The following RAB28 variants were observed in gnomAD, a reference collection of about 807,000 sequenced individuals.
RAB28 encodes RAB28, member RAS oncogene family.
Under a neutral mutation model 31.7 loss-of-function variants are expected in RAB28, and 24 were observed. That is an observed-to-expected ratio of 0.76 (90% CI 0.55 to 1.06). RAB28 has a LOEUF of 1.06. RAB28 is among the 50% of genes least tolerant of loss of function. RAB28 has a pLI of 0.00. For synonymous variants in RAB28, 100 were observed against 90.4 expected (o/e 1.11, Z -0.60); for missense variants, 254 against 258.5 (o/e 0.98, Z 0.12).
chr4:13,460,583 A>T, intron 4 of RAB28, 116 bp downstream of exon 4: 1 of 1,315,364 alleles, frequency 7.6e-7, no homozygotes, highest in Non-Finnish European at 1.1e-6. Context: ...TCCAGACACC[A>T]TCATTTTGGG....
chr4:13,450,278 A>G (rs1714895266), intron 4 of RAB28, among the ~76,000 whole-genome samples: 1 of 151,878 alleles, frequency 6.6e-6, no homozygotes, highest in Non-Finnish European at 1.5e-5. Context: ...TAAGTCTTTC[A>G]TATTTATTTA....
intron 4 of RAB28, among the ~76,000 whole-genome samples, chr4:13,432,589 ACTT>A (rs1333943362): frequency 1.3e-5 from 2 of 152,166 alleles, no homozygotes; most frequent in African/African-American, 2.4e-5. Context: ...CTAACAGTGA[ACTT>A]CTCAGCAGAA....
At chr4:13,462,435 G>A (rs896157600) in intron 3 of RAB28, among the ~76,000 whole-genome samples, 13 of 152,098 alleles carry the variant, frequency 8.5e-5, no homozygotes, top group African/African-American at 3.1e-4. Context: ...TAATACCTTT[G>A]TTTTAATATA....
chr4:13,412,545 A>C (rs944669121), intron 4 of RAB28, among the ~76,000 whole-genome samples: 1 of 152,124 alleles, frequency 6.6e-6, no homozygotes, highest in African/African-American at 2.4e-5. Flanking sequence ...GACTGGCAAA[A>C]AAGGAGAGAG....
chr4:13,458,589 G>A (rs1473754984), intron 4 of RAB28, among the ~76,000 whole-genome samples: 9 of 151,964 alleles, frequency 5.9e-5, no homozygotes, highest in Non-Finnish European at 1.0e-4. Flanking sequence ...AGAAAACAAC[G>A]AATCATATAA....
At chr4:13,395,236 A>G (rs1030800384) in intron 4 of RAB28, among the ~76,000 whole-genome samples, 21 of 152,190 alleles carry the variant, frequency 1.4e-4, no homozygotes, top group African/African-American at 4.3e-4. Context: ...TAAAACATTA[A>G]AAGTATTAAT....
At chr4:13,460,933 A>G (rs1715559607) in intron 3 of RAB28, 105 bp from the exon 4 acceptor site, 1 of 1,051,818 alleles carries the variant, frequency 9.5e-7, no homozygotes, top group Admixed American at 2.6e-5. Context: ...GTATAAAAAT[A>G]CAAATGTGTA....
intron 4 of RAB28, among the ~76,000 whole-genome samples, chr4:13,455,628 G>A (rs1262902405): frequency 6.6e-6 from 1 of 152,238 alleles, no homozygotes; most frequent in African/African-American, 2.4e-5. Flanking sequence ...GCGTGGGTGG[G>A]GAGTGAGGAA....
rs567650594 is a variant in RAB28 at position 13,467,246 on chromosome 4, A to G, written c.262-6418T>C. On this transcript the variant is annotated intron_variant, in intron 3 of 6. Coordinates refer to ENST00000330852, the MANE Select transcript of RAB28 (RefSeq NM_001017979.3). ...AATTGGCTTGAATTAATTATTTCAC[A>G]TTGTATTGATAAATCATAACATCAC... Among the ~76,000 whole-genome samples the G allele has an allele frequency of 5.9e-5, 9 of 152,054 alleles. No homozygotes were observed. In the South Asian group the frequency reaches 1.9e-3, roughly 32 times the overall value.
In RAB28 at chr4:13,480,001, C is replaced by T. The variant is rs992640768; in HGVS notation, c.76-475G>A. Among the ~76,000 whole-genome samples, 4 of 151,494 alleles carry T rather than the reference C, an allele frequency of 2.6e-5. 1 individual carries two copies. The South Asian group carries it at 6.2e-4, about 24-fold the overall frequency. ...GCTTACAGAATTTTTCTTTTTCCCA[C>T]AAGAAAAGCACCGTATGTAATTTTT... On this transcript the variant is annotated intron_variant, in intron 1 of 6. Transcript: ENST00000330852.
intron 4 of RAB28, among the ~76,000 whole-genome samples, chr4:13,408,608 G>GA (rs1052751920): frequency 1.3e-5 from 2 of 150,876 alleles, no homozygotes; most frequent in East Asian, 1.9e-4. Context: ...TGCATAATAA[G>GA]AAAAAAAAGC....
intron 4 of RAB28, among the ~76,000 whole-genome samples, chr4:13,449,948 A>C (rs1295956934): frequency 3.9e-5 from 6 of 151,942 alleles, no homozygotes; most frequent in African/African-American, 1.4e-4. Context: ...ATCAGATAGT[A>C]TAAAGGCATA....
chr4:13,409,526 C>T (rs1712301552), intron 4 of RAB28, among the ~76,000 whole-genome samples: 1 of 152,118 alleles, frequency 6.6e-6, no homozygotes, highest in African/African-American at 2.4e-5. Flanking sequence ...ACAAGCAGTG[C>T]AAGTACTCAG....
intron 6 of RAB28, chr4:13,370,624 A>G (rs1728680574): frequency 2.0e-6 from 2 of 984,244 alleles, no homozygotes; most frequent in South Asian, 9.4e-5. Context: ...AGGAAGGCAT[A>G]TGCCATTTAC....
intron 4 of RAB28, among the ~76,000 whole-genome samples, chr4:13,438,432 T>C (rs1041130294): frequency 2.0e-5 from 3 of 152,136 alleles, no homozygotes; most frequent in African/African-American, 4.8e-5. Flanking sequence ...TACCTTTCCC[T>C]CCCCTTCTTG....
intron 4 of RAB28, among the ~76,000 whole-genome samples, chr4:13,447,322 C>A (rs1338406555): frequency 1.3e-5 from 2 of 152,160 alleles, no homozygotes; most frequent in African/African-American, 4.8e-5. Flanking sequence ...AAAGCCCATA[C>A]GATGGCCCAC....
chr4:13,386,025 C>G (rs969410198), intron 4 of RAB28, among the ~76,000 whole-genome samples: 1 of 152,042 alleles, frequency 6.6e-6, no homozygotes, highest in Non-Finnish European at 1.5e-5. Flanking sequence ...AGAATTATAT[C>G]AAACAAAAAC....
intron 4 of RAB28, among the ~76,000 whole-genome samples, chr4:13,451,318 C>G (rs922738086): frequency 2.7e-5 from 4 of 150,086 alleles, no homozygotes; most frequent in African/African-American, 9.7e-5. Flanking sequence ...ACTTGTTGAC[C>G]ATTTCTATGT....
chr4:13,457,910 C>G (rs554693671), intron 4 of RAB28, among the ~76,000 whole-genome samples: 1 of 152,084 alleles, frequency 6.6e-6, no homozygotes, highest in Non-Finnish European at 1.5e-5. Flanking sequence ...AATCATAACG[C>G]CTCTCCCACA....
Sources: allele counts gnomAD v4.1 joint callset (sites outside exome capture counted in the v4.1 genomes callset), GRCh38; gene constraint gnomAD v4.1.1; transcripts MANE v1.5; gene names NCBI Gene and HGNC (gene_info 2026-07-23, HGNC 2026-07-21).